EFCAB9: variants seen among roughly 807,000 people sequenced by gnomAD.
EFCAB9 encodes the protein EF-hand calcium binding domain 9, also known as EF-hand calcium-binding domain-containing protein 9.
A neutral mutation model predicts 15.6 loss-of-function variants in EFCAB9; 16 were observed. The ratio of observed to expected loss-of-function variants is 1.03; its 90% CI spans 0.69 to 1.56. The LOEUF is 1.56. Ranked by LOEUF, EFCAB9 falls within the 40% of genes most tolerant of loss-of-function variation. The pLI is 0.00. For synonymous variants in EFCAB9, 76 were observed against 85.4 expected, an observed-to-expected ratio of 0.89 and a Z score of 0.61; for missense variants, 208 against 235.4, an observed-to-expected ratio of 0.88 and a Z score of 0.76.
At chr5:172,198,982 T>C (rs1161105747) in intron 1 of EFCAB9, among the ~76,000 whole-genome samples, 2 of 152,200 alleles carry the variant, frequency 1.3e-5, no homozygotes, top group Admixed American at 6.5e-5. Flanking sequence ...AATGTCAGCA[T>C]CTCCAAGAAA....
At chr5:172,197,819 G>A (rs1220716443) in intron 1 of EFCAB9, among the ~76,000 whole-genome samples, 2 of 152,180 alleles carry the variant, frequency 1.3e-5, no homozygotes, top group Admixed American at 6.5e-5. Flanking sequence ...GGTTGCCGCT[G>A]CTGCCTGGGG....
rs933789410 is a variant in EFCAB9 at position 172,199,502 on chromosome 5, A to C, written c.256A>C (p.Met86Leu). Residue 86 changes from methionine to leucine, a missense_variant, in exon 2 of 4, where the codon ATG (methionine) becomes CTG (leucine). Transcript: ENST00000398186. ...VGEIDFEKFY[M>L]LVCMLLAHQN... ...CGAGATCGACTTTGAGAAGTTCTAC[A>C]TGCTGGTGTGCATGCTGCTGGCCCA... The C allele has an allele frequency of 1.3e-6, 2 of 1,537,308 alleles. No individual in the cohort carries two copies. Among genetic ancestry groups the C allele is most frequent in the Non-Finnish European group, 1.7e-6 (2 of 1,146,916 alleles).
At chr5:172,198,605 C>T (rs191078730) in intron 1 of EFCAB9, among the ~76,000 whole-genome samples, 44 of 152,290 alleles carry the variant, frequency 2.9e-4, no homozygotes, top group African/African-American at 3.6e-4. Flanking sequence ...CGTTTATAGA[C>T]GGGGAATGAC....
chr5:172,200,708 A>G lies in EFCAB9; in HGVS notation c.428A>G (p.Asp143Gly). The G allele has an allele frequency of 6.5e-7, 1 of 1,537,580 alleles. No individual in the cohort carries two copies. Among genetic ancestry groups the G allele is most frequent in the Non-Finnish European group, 8.7e-7 (1 of 1,146,966 alleles). The change falls in exon 3 of 4, where the codon GAT becomes GGT. Residue 143 changes from aspartate to glycine, a missense_variant. Asp to Gly is a moderately conservative substitution (Grantham distance 94). Coordinates refer to ENST00000398186, the MANE Select transcript of EFCAB9 (RefSeq NM_001171183.2). ...AATATTCAAAAACAGGAACTCAAAGATCTCTTCCGTGACTTTGACATTACA... is the reference window on the plus strand; with the variant it reads ...AATATTCAAAAACAGGAACTCAAAGGTCTCTTCCGTGACTTTGACATTACA... ...LFNIQKQELK[D>G]LFRDFDITGD...
At chr5:172,200,868 C>T in intron 3 of EFCAB9, 126 bp downstream of exon 3, 1 of 903,364 alleles carries the variant, frequency 1.1e-6, no homozygotes, top group Non-Finnish European at 1.6e-6. Flanking sequence ...CAAATAAGCA[C>T]ATTGCATGGC....
intron 1 of EFCAB9, among the ~76,000 whole-genome samples, chr5:172,194,553 C>A (rs1272800361): frequency 2.6e-5 from 4 of 152,164 alleles, no homozygotes; most frequent in Admixed American, 6.6e-5. Flanking sequence ...GTGTCTGCCA[C>A]CACGCCTGGC....
At position 172,203,405 on chromosome 5, in the gene EFCAB9, G is replaced by T; in HGVS notation, c.*60G>T. Reference sequence around the variant, plus strand: ...TCTGAAAGTACAGAACATGAACATTGATGAAGACTGTTAACATGTCTAAAA... The same window carrying T: ...TCTGAAAGTACAGAACATGAACATTTATGAAGACTGTTAACATGTCTAAAA... On this transcript the variant is annotated 3_prime_UTR_variant, in exon 4 of 4. Coordinates refer to ENST00000398186, the MANE Select transcript of EFCAB9 (RefSeq NM_001171183.2). 2 of 1,482,820 alleles carry T rather than the reference G, an allele frequency of 1.3e-6. No homozygotes were observed. The highest frequency in any genetic ancestry group is 1.8e-6 in the Non-Finnish European group (2 of 1,123,016). The allele number at this position is 1,482,820 out of a possible 1,614,324, so 91.9% of individuals were successfully genotyped here.
intron 3 of EFCAB9, among the ~76,000 whole-genome samples, 176 bp downstream of exon 3, chr5:172,200,918 T>C (rs1389675474): frequency 6.6e-6 from 1 of 152,108 alleles, no homozygotes; most frequent in Non-Finnish European, 1.5e-5. Flanking sequence ...TATGGGATCT[T>C]GAAGAGAAAG....
intron 3 of EFCAB9, among the ~76,000 whole-genome samples, chr5:172,202,815 C>T (rs1251562867): frequency 3.3e-5 from 5 of 151,998 alleles, no homozygotes. Context: ...GCCTGACCAA[C>T]GTGATGAAAC....
chr5:172,203,247 A>G lies in EFCAB9; in HGVS notation c.496A>G (p.Ile166Val), dbSNP rs1219508004. The G allele has an allele frequency of 8.5e-6, 13 of 1,535,882 alleles. No individual in the cohort carries two copies. In the East Asian group the frequency reaches 9.8e-5, roughly 12 times the overall value. The change falls in exon 4 of 4, where the codon ATC (isoleucine) becomes GTC (valine). Residue 166 changes from isoleucine to valine, a missense_variant. Transcript: ENST00000398186. ...TTATCAGGAATTTAAGCTGTATACAATCATCTACACTGACAAATTACAGAA... is the reference window on the plus strand; with the variant it reads ...TTATCAGGAATTTAAGCTGTATACAGTCATCTACACTGACAAATTACAGAA... ...LNYQEFKLYT[I>V]IYTDKLQKRQ...
In EFCAB9 at chr5:172,199,388, C is replaced by T; in HGVS notation, c.142C>T (p.Leu48=). ...TCACCTGCCCACCTTAACAGATGTG[C>T]TGTTCTATCACTTCCTTCATCATGT... is the stretch of plus-strand genomic sequence containing the variant. ...VHGKNTLNDV[L]FYHFLHHVTD... is the part of the protein sequence containing the mutation. The change falls in exon 2 of 4, where the codon CTG becomes TTG. Residue 48 remains leucine, a synonymous_variant. Coordinates refer to ENST00000398186, the MANE Select transcript of EFCAB9 (RefSeq NM_001171183.2). 1 of 1,537,210 alleles carries T rather than the reference C, an allele frequency of 6.5e-7. No homozygotes were observed. The highest frequency in any genetic ancestry group is 8.7e-7 in the Non-Finnish European group (1 of 1,146,894).
intron 3 of EFCAB9, among the ~76,000 whole-genome samples, chr5:172,202,353 A>AAAAAAAG (rs1771269560): frequency 6.7e-6 from 1 of 149,362 alleles, no homozygotes; most frequent in African/African-American, 2.5e-5. Context: ...AAAAAAAAAA[A>AAAAAAAG]AAAGAAAGTA....
intron 1 of EFCAB9, among the ~76,000 whole-genome samples, chr5:172,196,503 A>C (rs1771164451): frequency 6.6e-6 from 1 of 151,426 alleles, no homozygotes; most frequent in Non-Finnish European, 1.5e-5. Context: ...TCTCCTCCCT[A>C]GTAGCTGGGA....
chr5:172,194,897 C>T (rs1432119767), intron 1 of EFCAB9, among the ~76,000 whole-genome samples: 2 of 151,472 alleles, frequency 1.3e-5, no homozygotes, highest in African/African-American at 4.9e-5. Flanking sequence ...AGAGGTGAGG[C>T]TTCTCATAAT....
chr5:172,198,966 A>G, intron 1 of EFCAB9, among the ~76,000 whole-genome samples: 1 of 152,354 alleles, frequency 6.6e-6, no homozygotes, highest in South Asian at 2.1e-4. Context: ...GGAAAGGCAA[A>G]GGAAAAATGT....
intron 1 of EFCAB9, among the ~76,000 whole-genome samples, chr5:172,195,191 T>TAAATAAAAAA (rs1554125615): frequency 6.7e-6 from 1 of 148,914 alleles, no homozygotes; most frequent in African/African-American, 2.5e-5. Context: ...TAAAAATAAA[T>TAAATAAAAAA]AAATAAATAA....
intron 1 of EFCAB9, among the ~76,000 whole-genome samples, chr5:172,195,183 A>AAAAT (rs1554125607): frequency 0.045 from 6,609 of 146,920 alleles, 206 homozygotes; most frequent in Non-Finnish European, 0.071. Flanking sequence ...TAAATAAATA[A>AAAAT]AAATAAATAA....
chr5:172,194,762 C>T (rs570072848), intron 1 of EFCAB9, among the ~76,000 whole-genome samples: 10 of 152,162 alleles, frequency 6.6e-5, no homozygotes, highest in Admixed American at 2.6e-4. Flanking sequence ...AGAATTGACA[C>T]GGGGGACAGT....
At chr5:172,195,921 A>G (rs1771153444) in intron 1 of EFCAB9, among the ~76,000 whole-genome samples, 1 of 152,098 alleles carries the variant, frequency 6.6e-6, no homozygotes. Context: ...CTCCTGCCTC[A>G]GCCTCCTGAG....
Sources: allele counts gnomAD v4.1 joint callset (sites outside exome capture counted in the v4.1 genomes callset), GRCh38; gene constraint gnomAD v4.1.1; transcripts MANE v1.5; gene names NCBI Gene and HGNC (gene_info 2026-07-23, HGNC 2026-07-21).